PYM1: variants seen among roughly 807,000 people sequenced by gnomAD.
PYM1 encodes the protein PYM1 exon junction complex associated factor, also known as partner of Y14 and mago.
PYM1 carries 7 observed loss-of-function variants against 20.7 expected under a neutral mutation model. The observed-to-expected ratio is 0.34, with a 90% CI of 0.19 to 0.64. The LOEUF (loss-of-function observed/expected upper bound fraction) is 0.64, where lower values mean the gene tolerates loss of function less well. Among genes scored for constraint, PYM1 ranks in the 30% least tolerant of loss-of-function variants. The pLI is 0.74. For synonymous variants in PYM1, 100 were observed against 99.2 expected, an observed-to-expected ratio of 1.01 and a Z score of -0.05; for missense variants, 194 against 250.0, an observed-to-expected ratio of 0.78 and a Z score of 1.51.
At chr12:55,904,595 CAAAAAAAAAA>C (rs57817659) in intron 1 of PYM1, among the ~76,000 whole-genome samples, 3 of 66,950 alleles carry the variant, frequency 4.5e-5, no homozygotes, top group South Asian at 7.0e-4. Flanking sequence ...GACTCCATCT[CAAAAAAAAAA>C]AAAAAAAAAA....
intron 1 of PYM1, among the ~76,000 whole-genome samples, chr12:55,906,734 C>T (rs978644560): frequency 1.3e-4 from 19 of 151,986 alleles, no homozygotes; most frequent in African/African-American, 4.1e-4. Flanking sequence ...CTGCAACCTC[C>T]TCCTCCCAGA....
At chr12:55,915,210 G>A (rs1882985310) in intron 1 of PYM1, among the ~76,000 whole-genome samples, 1 of 24,194 alleles carries the variant, frequency 4.1e-5, no homozygotes, top group Non-Finnish European at 7.2e-5. Context: ...CCAAGACTCT[G>A]CCTAAAAAAA....
intron 1 of PYM1, chr12:55,913,951 A>C (rs1882965468): frequency 5.1e-6 from 1 of 196,936 alleles, no homozygotes; most frequent in East Asian, 1.2e-4. Flanking sequence ...AGTGAGAAAG[A>C]TAACAAACAA....
intron 1 of PYM1, 131 bp from the exon 2 acceptor site, chr12:55,903,611 T>C: frequency 2.6e-6 from 2 of 763,520 alleles, no homozygotes; most frequent in Non-Finnish European, 4.3e-6. Flanking sequence ...AGGCTCCTTT[T>C]CTCATACCAA....
intron 1 of PYM1, among the ~76,000 whole-genome samples, chr12:55,904,615 A>T (rs866195053): frequency 2.0e-5 from 3 of 149,302 alleles, no homozygotes; most frequent in Non-Finnish European, 3.0e-5. Context: ...AAAAAAAAAA[A>T]AAAAGAAAAA....
At chr12:55,911,418 T>TA (rs1051730953) in intron 1 of PYM1, among the ~76,000 whole-genome samples, 4 of 152,050 alleles carry the variant, frequency 2.6e-5, no homozygotes, top group African/African-American at 9.7e-5. Context: ...GGCCTGTTAA[T>TA]AGAGATTTTT....
chr12:55,915,836 C>A (rs1882996597), intron 1 of PYM1, among the ~76,000 whole-genome samples: 1 of 151,938 alleles, frequency 6.6e-6, no homozygotes, highest in Non-Finnish European at 1.5e-5. Context: ...TTTCTGCAGG[C>A]AGAGAAAAGG....
chr12:55,905,783 A>G, intron 1 of PYM1, among the ~76,000 whole-genome samples: 1 of 132,236 alleles, frequency 7.6e-6, no homozygotes, highest in South Asian at 2.2e-4. Flanking sequence ...TATATATATT[A>G]TTATTATTAT....
intron 1 of PYM1, chr12:55,913,819 T>A (rs953049279): frequency 6.5e-6 from 1 of 152,990 alleles, no homozygotes; most frequent in Non-Finnish European, 1.5e-5. Flanking sequence ...TCACATTTAT[T>A]CACACGTGGA....
intron 1 of PYM1, among the ~76,000 whole-genome samples, chr12:55,912,588 G>A (rs1882943502): frequency 7.1e-6 from 1 of 140,902 alleles, no homozygotes; most frequent in African/African-American, 2.6e-5. Context: ...CCGCAAGAGG[G>A]GGGAAAAAAA....
chr12:55,920,524 G>C (rs1412810808), intron 1 of PYM1, among the ~76,000 whole-genome samples: 1 of 151,370 alleles, frequency 6.6e-6, no homozygotes, highest in Admixed American at 6.6e-5. Flanking sequence ...TGTAATTCCA[G>C]CTACTCGGGA....
At chr12:55,926,210 T>A (rs1428569714) in intron 1 of PYM1, among the ~76,000 whole-genome samples, 5 of 152,224 alleles carry the variant, frequency 3.3e-5, no homozygotes, top group Non-Finnish European at 5.9e-5. Context: ...CATCATTGAG[T>A]AGCTATTACT....
In PYM1 at chr12:55,903,451, C is replaced by T; in HGVS notation, c.67G>A (p.Asp23Asn). 6.2e-7 allele frequency: 1 copy of T among 1,614,102 alleles called. No individual in the cohort carries two copies. Among genetic ancestry groups the T allele is most frequent in the Non-Finnish European group, 8.5e-7 (1 of 1,180,036 alleles). The change falls in exon 2 of 3, where the codon GAC (aspartate) becomes AAC (asparagine). Residue 23 changes from aspartate to asparagine, a missense_variant. This residue lies in a region of PYM1 where 17 missense variants were observed against 53.1 expected (regional missense o/e 0.32). Coordinates refer to ENST00000408946, the MANE Select transcript of PYM1 (RefSeq NM_032345.3). ...GKYIASTQRP[D>N]GTWRKQRRVK... ...CTCCGCTGCTTGCGCCAGGTCCCGT[C>T]AGGTCGCTGTGTTGACGCGATATAC... is the stretch of plus-strand genomic sequence containing the variant.
chr12:55,915,887 G>A (rs906189453), intron 1 of PYM1, among the ~76,000 whole-genome samples: 2 of 152,234 alleles, frequency 1.3e-5, no homozygotes, highest in African/African-American at 2.4e-5. Flanking sequence ...AATCCTAGCA[G>A]TGGAAAACTC....
At position 55,902,186 on chromosome 12, in the gene PYM1, G is replaced by A. The variant is rs369071683; in HGVS notation, c.301C>T (p.Gln101Ter). 1 of 1,614,030 alleles carries A rather than the reference G, an allele frequency of 6.2e-7. No individual in the cohort carries two copies. The highest frequency in any genetic ancestry group is 8.5e-7 in the Non-Finnish European group (1 of 1,180,020). The change falls in exon 3 of 3, where the codon CAA becomes TAA. Residue 101 changes from glutamine (Q) to a stop codon, truncating the protein, a stop_gained. Transcript: ENST00000408946. LOFTEE classifies it high-confidence loss of function. ...AAGGCCTCTGCCTCTCCTTTCTCTT[G>A]CTGCTGCCGCCTCTTCTCCTTTCGC... Reference protein sequence around the residue: ...LKRKEKRRQQQEKGEAEALSR... With the variant: ...LKRKEKRRQQ
At chr12:55,908,668 A>G (rs1882868553) in intron 1 of PYM1, among the ~76,000 whole-genome samples, 1 of 151,974 alleles carries the variant, frequency 6.6e-6, no homozygotes, top group Admixed American at 6.6e-5. Flanking sequence ...CCTGGCCAAA[A>G]TTGTGAAACC....
chr12:55,915,540 C>T (rs534698575), intron 1 of PYM1, among the ~76,000 whole-genome samples: 1 of 134,776 alleles, frequency 7.4e-6, no homozygotes. Context: ...GCCTGGGCGA[C>T]AGAGCAAGAG....
At chr12:55,917,394 T>G (rs1293054151) in intron 1 of PYM1, among the ~76,000 whole-genome samples, 1 of 151,996 alleles carries the variant, frequency 6.6e-6, no homozygotes, top group African/African-American at 2.4e-5. Flanking sequence ...CACTCCAGCC[T>G]GGGCAACAAG....
At chr12:55,907,736 C>G (rs1172085911) in intron 1 of PYM1, among the ~76,000 whole-genome samples, 1 of 151,360 alleles carries the variant, frequency 6.6e-6, no homozygotes, top group Admixed American at 6.6e-5. Flanking sequence ...GTCAGGAGTT[C>G]GAGACCAGCC....
Sources: allele counts gnomAD v4.1 joint callset (sites outside exome capture counted in the v4.1 genomes callset), GRCh38; gene constraint gnomAD v4.1.1; regional missense constraint gnomAD v4.1.1; transcripts MANE v1.5; gene names NCBI Gene and HGNC (gene_info 2026-07-23, HGNC 2026-07-21).